The following MAPRE3 variants were observed in gnomAD, a reference collection of about 807,000 sequenced individuals.
MAPRE3 encodes microtubule-associated protein RP/EB family member 3.
A neutral mutation model predicts 30.5 loss-of-function variants in MAPRE3; 2 were observed. The observed-to-expected ratio is 0.07, with a 90% confidence interval of 0.03 to 0.21. MAPRE3 has a LOEUF of 0.21. MAPRE3 is among the 10% of genes least tolerant of loss of function. The pLI is 1.00. For synonymous variants in MAPRE3, 110 were observed against 127.7 expected, an observed-to-expected ratio of 0.86 and a Z score of 0.93; for missense variants, 204 against 351.8, an observed-to-expected ratio of 0.58 and a Z score of 3.36.
rs1017532545 is a variant in MAPRE3 at position 26,985,671 on chromosome 2, C to T, written c.-8+14869C>T. Among the ~76,000 whole-genome samples the T allele has an allele frequency of 6.6e-6, 1 of 152,174 alleles. No individual in the cohort carries two copies. Among genetic ancestry groups the T allele is most frequent in the African/African-American group, 2.4e-5 (1 of 41,438 alleles). ...TAATCCCCCAGAACTGGTAAATATT[C>T]CTTTATAGGACAAAAGAATAGGTAT... On this transcript the variant is annotated intron_variant, in intron 1 of 6. Transcript: ENST00000233121. The surrounding 1 kb of genome is among the most constrained non-coding windows in gnomAD (Gnocchi z 4.2).
At chr2:27,014,161 A>G (rs1215123438) in intron 1 of MAPRE3, 1 of 152,224 alleles carries the variant, frequency 6.6e-6, no homozygotes. Context: ...AATATTGCCT[A>G]TCTGCCCACC....
At chr2:26,983,696 C>A (rs1261727035) in intron 1 of MAPRE3, among the ~76,000 whole-genome samples, 32 of 152,154 alleles carry the variant, frequency 2.1e-4, no homozygotes, top group Admixed American at 2.1e-3. Context: ...GAGCAGATGA[C>A]CTCTTTGGGA....
At chr2:27,000,501 A>G (rs1268650238) in intron 1 of MAPRE3, among the ~76,000 whole-genome samples, 1 of 152,234 alleles carries the variant, frequency 6.6e-6, no homozygotes, top group Non-Finnish European at 1.5e-5. Flanking sequence ...AAAAACAAGG[A>G]GGGAAAAGAA....
At chr2:26,972,796 A>G (rs987638667) in intron 1 of MAPRE3, among the ~76,000 whole-genome samples, 5 of 152,226 alleles carry the variant, frequency 3.3e-5, no homozygotes, top group African/African-American at 7.2e-5. Flanking sequence ...GCTATGGGAT[A>G]GTACATTTTC....
Position 27,015,890 on chromosome 2 carries a change from G to A in MAPRE3, c.-7-6322G>A, listed in dbSNP as rs1666970879. On this transcript the variant is annotated intron_variant, in intron 1 of 6. Coordinates refer to ENST00000233121, the MANE Select transcript of MAPRE3 (RefSeq NM_012326.4). This position sits in a 1 kb window ranked among gnomAD's most constrained non-coding sequence, Gnocchi z 4.0. ...CCATGGGTTAGTGGGATTTGGTCTT[G>A]ATGACCATTTTTAAGGCCTCAGTCT... Among the ~76,000 whole-genome samples the A allele has an allele frequency of 6.6e-6, 1 of 152,158 alleles. No individual in the cohort carries two copies. The highest frequency in any genetic ancestry group is 6.5e-5 in the Admixed American group (1 of 15,278).
At chr2:27,018,248 G>A (rs926852466) in intron 1 of MAPRE3, among the ~76,000 whole-genome samples, 13 of 152,130 alleles carry the variant, frequency 8.5e-5, no homozygotes, top group Non-Finnish European at 1.8e-4. Flanking sequence ...GCCACAGCTG[G>A]CCCAGAATCA....
chr2:27,016,004 C>G (rs1338325410), intron 1 of MAPRE3, among the ~76,000 whole-genome samples: 2 of 152,164 alleles, frequency 1.3e-5, no homozygotes, highest in East Asian at 3.8e-4. Context: ...CCTTACAGTC[C>G]TAGTATAGGA....
chr2:26,971,882 T>C (rs925719572), intron 1 of MAPRE3, among the ~76,000 whole-genome samples: 6 of 152,132 alleles, frequency 3.9e-5, no homozygotes, highest in Admixed American at 2.6e-4. Flanking sequence ...CAGCTGTGTG[T>C]CTTTGTGGGG....
intron 1 of MAPRE3, among the ~76,000 whole-genome samples, chr2:27,007,605 C>G (rs552487252): frequency 1.6e-4 from 25 of 152,302 alleles, no homozygotes; most frequent in Non-Finnish European, 3.4e-4. Context: ...AAAAGGTCAT[C>G]CACATGTCAA....
intron 1 of MAPRE3, among the ~76,000 whole-genome samples, chr2:26,984,414 A>T (rs1055572687): frequency 5.3e-5 from 8 of 152,220 alleles, no homozygotes; most frequent in Admixed American, 2.6e-4. Context: ...TATTTTTTTT[A>T]AACATGGAAT....
At chr2:26,991,208 C>T (rs540924900) in intron 1 of MAPRE3, among the ~76,000 whole-genome samples, 1 of 152,020 alleles carries the variant, frequency 6.6e-6, no homozygotes, top group African/African-American at 2.4e-5. Context: ...GAGCCGAGTT[C>T]GTGCCACTGC....
rs1666193929 is a variant in MAPRE3, at chr2:26,985,192, G to A, written c.-8+14390G>A. 6.6e-6 allele frequency among the ~76,000 whole-genome samples: 1 copy of A among 152,186 alleles called. No homozygotes were observed. The highest frequency in any genetic ancestry group is 2.4e-5 in the African/African-American group (1 of 41,430). ...TTTAGGTAGATGGTGCTTCGGCCCT[G>A]AGAGAGATTGTTAAGACATGTGCTG... On this transcript the variant is annotated intron_variant, in intron 1 of 6. Transcript: ENST00000233121. This position sits in a 1 kb window ranked among gnomAD's most constrained non-coding sequence, Gnocchi z 4.2.
intron 1 of MAPRE3, among the ~76,000 whole-genome samples, chr2:27,020,787 C>T (rs1025322638): frequency 5.3e-5 from 8 of 152,258 alleles, no homozygotes; most frequent in East Asian, 1.9e-4. Context: ...TGGGGGAGGG[C>T]GGTGGCCAGA....
chr2:26,996,954 G>A (rs1347810735), intron 1 of MAPRE3: 1 of 152,152 alleles, frequency 6.6e-6, no homozygotes. Flanking sequence ...CATTAGCAGA[G>A]AAATTAAAGT....
intron 1 of MAPRE3, chr2:27,003,214 T>C (rs6714512): frequency 0.96 from 146,959 of 152,658 alleles, 70,979 homozygotes; most frequent in East Asian, 1. Context: ...AACTGCAATC[T>C]TCTGGCCAGA....
chr2:26,976,222 G>A (rs1467406233), intron 1 of MAPRE3, among the ~76,000 whole-genome samples: 5 of 152,180 alleles, frequency 3.3e-5, no homozygotes, highest in Admixed American at 2.6e-4. Flanking sequence ...GCTTCTGGTA[G>A]GAATTACTGG....
At chr2:27,016,290 C>G (rs1405850131) in intron 1 of MAPRE3, among the ~76,000 whole-genome samples, 1 of 152,138 alleles carries the variant, frequency 6.6e-6, no homozygotes, top group Non-Finnish European at 1.5e-5. Flanking sequence ...GAGCCTGCCC[C>G]CTCCGAGTGG....
intron 1 of MAPRE3, among the ~76,000 whole-genome samples, chr2:26,975,572 C>G (rs374505651): frequency 4.0e-5 from 6 of 150,894 alleles, no homozygotes; most frequent in Non-Finnish European, 8.8e-5. Context: ...TGAAAAGAAA[C>G]GCAATAATGT....
At chr2:26,975,278 G>C (rs1665992859) in intron 1 of MAPRE3, among the ~76,000 whole-genome samples, 1 of 152,162 alleles carries the variant, frequency 6.6e-6, no homozygotes, top group Non-Finnish European at 1.5e-5. Context: ...AACTGGTAGA[G>C]GCATAGATTT....
Sources: gnomAD v4.1 joint callset for allele counts (sites outside exome capture counted in the v4.1 genomes callset) on GRCh38, gnomAD v4.1.1 for gene constraint, Gnocchi (gnomAD v3.1) non-coding constraint, MANE v1.5 for transcripts, NCBI Gene and HGNC (gene_info 2026-07-23, HGNC 2026-07-21) for gene names.